The following EFNA5 variants were observed in gnomAD, a reference collection of about 807,000 sequenced individuals.
The protein encoded by EFNA5 is ephrin A5, also known as ephrin-A5.
Under a neutral mutation model 22.9 loss-of-function variants are expected in EFNA5, and 5 were observed. The observed-to-expected ratio is 0.22, with a 90% CI of 0.11 to 0.46. EFNA5 has a LOEUF of 0.46. EFNA5 is among the 20% of genes least tolerant of loss of function. The pLI, the probability that EFNA5 is intolerant of heterozygous loss-of-function variation, is 0.99. For synonymous variants in EFNA5, 113 were observed against 112.2 expected, an observed-to-expected ratio of 1.01 and a Z score of -0.04; for missense variants, 237 against 293.3, an observed-to-expected ratio of 0.81 and a Z score of 1.40.
chr5:107,536,075 T>C (rs905307786), intron 1 of EFNA5, among the ~76,000 whole-genome samples: 1 of 152,192 alleles, frequency 6.6e-6, no homozygotes, highest in Non-Finnish European at 1.5e-5. Flanking sequence ...TGCATACTTT[T>C]ATCACCACGT....
chr5:107,524,432 A>C (rs1355610680), intron 1 of EFNA5, among the ~76,000 whole-genome samples: 1 of 152,242 alleles, frequency 6.6e-6, no homozygotes, highest in African/African-American at 2.4e-5. Context: ...AAAATGTCTA[A>C]GCATGTTAAA....
rs753881471 is a variant in EFNA5, at chr5:107,427,442, A to G, written c.193T>C (p.Tyr65His). 2.5e-6 allele frequency: 4 copies of G among 1,614,072 alleles called. No homozygotes were observed. Among genetic ancestry groups the G allele is most frequent in the Non-Finnish European group, 8.5e-7 (1 of 1,179,984 alleles). Residue 65 changes from tyrosine to histidine, a missense_variant, in exon 2 of 5, where the codon TAT becomes CAT. Tyr to His is a moderately conservative substitution (Grantham distance 83). Transcript: ENST00000333274. The stretch of plus-strand genomic sequence containing the variant: ...TTATCTTCTGGGACGGAGTCCTCAT[A>G]GTGAGGGCAGAAAACATCCAGGTAG... ...NDYLDVFCPHYEDSVPEDKTE... is the reference protein window; with the variant it reads ...NDYLDVFCPHHEDSVPEDKTE...
rs1430699911 is a variant in EFNA5, at chr5:107,378,147, G to A, written c.*3108C>T. The A allele has an allele frequency of 2.0e-5, 3 of 148,010 alleles. No individual in the cohort carries two copies. The highest frequency in any genetic ancestry group is 7.5e-5 in the African/African-American group (3 of 40,014). The allele number at this position is 148,010 out of a possible 1,614,324, so 9.2% of individuals were successfully genotyped here. A position where few individuals can be genotyped will look rare whatever the true frequency, so the allele number is the denominator to read the frequency against. ...TTAATACTTTATTATCAAACACTAT[G>A]TACAACAGAGGTTGCTAATAATACA... On this transcript the variant is annotated 3_prime_UTR_variant, in exon 5 of 5. Transcript: ENST00000333274.
At chr5:107,556,700 C>T (rs532704371) in intron 1 of EFNA5, among the ~76,000 whole-genome samples, 2 of 151,284 alleles carry the variant, frequency 1.3e-5, no homozygotes, top group Admixed American at 6.6e-5. Flanking sequence ...GAGTCGAGAT[C>T]GCAGCATTGC....
At chr5:107,557,882 A>G (rs1748457417) in intron 1 of EFNA5, among the ~76,000 whole-genome samples, 1 of 152,220 alleles carries the variant, frequency 6.6e-6, no homozygotes, top group African/African-American at 2.4e-5. Context: ...TTCACAGCAT[A>G]CATTTACAAT....
intron 1 of EFNA5, among the ~76,000 whole-genome samples, chr5:107,504,442 G>A (rs1418818672): frequency 6.6e-6 from 1 of 152,112 alleles, no homozygotes; most frequent in African/African-American, 2.4e-5. Context: ...ACTAAAATAT[G>A]TGTCTTCTCT....
chr5:107,417,631 G>A (rs1315671396), intron 2 of EFNA5, among the ~76,000 whole-genome samples: 16 of 152,194 alleles, frequency 1.1e-4, no homozygotes, highest in Admixed American at 1.0e-3. Context: ...TCAGCTTTCT[G>A]GACCATAAAT....
intron 1 of EFNA5, among the ~76,000 whole-genome samples, chr5:107,440,017 G>C (rs1345155321): frequency 6.6e-6 from 1 of 152,124 alleles, no homozygotes; most frequent in African/African-American, 2.4e-5. Flanking sequence ...AGGTACTTCA[G>C]TTCATCACAT....
rs548632489 is a variant in EFNA5, at chr5:107,588,979, C to A, written c.125+81510G>T. ...TATAAAAGGTACCAAGGGTCCTCAA[C>A]TTGCTCTAAAAAAAGGTTTCCAACA... On this transcript the variant is annotated intron_variant, in intron 1 of 4. Transcript: ENST00000333274. 1.4e-4 allele frequency among the ~76,000 whole-genome samples: 22 copies of A among 152,302 alleles called. No homozygotes were observed. The South Asian group carries it at 3.1e-3, about 22-fold the overall frequency.
intron 4 of EFNA5, among the ~76,000 whole-genome samples, chr5:107,383,620 C>T (rs1258711359): frequency 1.3e-5 from 2 of 152,162 alleles, no homozygotes; most frequent in African/African-American, 2.4e-5. Context: ...TCCTCTCCAT[C>T]TTATTTTTAC....
chr5:107,508,239 C>T (rs1206066519), intron 1 of EFNA5, among the ~76,000 whole-genome samples: 1 of 152,162 alleles, frequency 6.6e-6, no homozygotes, highest in East Asian at 1.9e-4. Context: ...TGGATGGCTT[C>T]TTGGAACAGA....
At chr5:107,593,016 A>G (rs1749407289) in intron 1 of EFNA5, among the ~76,000 whole-genome samples, 1 of 152,196 alleles carries the variant, frequency 6.6e-6, no homozygotes, top group South Asian at 2.1e-4. Flanking sequence ...CAATATATTA[A>G]AAGAGATGTG....
chr5:107,448,229 T>C (rs1212278100), intron 1 of EFNA5, among the ~76,000 whole-genome samples: 1 of 152,234 alleles, frequency 6.6e-6, no homozygotes, highest in Non-Finnish European at 1.5e-5. Context: ...TTAAGGAGTC[T>C]ACTGCATTAG....
At chr5:107,434,637 T>C (rs1182081731) in intron 1 of EFNA5, among the ~76,000 whole-genome samples, 1 of 152,242 alleles carries the variant, frequency 6.6e-6, no homozygotes, top group Non-Finnish European at 1.5e-5. Flanking sequence ...TATGGAGGTA[T>C]TTTATCAAGA....
At chr5:107,564,747 T>C (rs1748627967) in intron 1 of EFNA5, among the ~76,000 whole-genome samples, 1 of 151,938 alleles carries the variant, frequency 6.6e-6, no homozygotes, top group South Asian at 2.1e-4. Flanking sequence ...GGGTCCTTTT[T>C]CAGATTTAAA....
At chr5:107,557,617 G>T (rs1748452695) in intron 1 of EFNA5, among the ~76,000 whole-genome samples, 2 of 152,210 alleles carry the variant, frequency 1.3e-5, no homozygotes, top group Admixed American at 6.5e-5. Context: ...CACGCTGCCG[G>T]CTCTTATCTG....
intron 1 of EFNA5, among the ~76,000 whole-genome samples, chr5:107,625,093 G>T (rs1050232534): frequency 6.6e-6 from 1 of 151,990 alleles, no homozygotes; most frequent in Admixed American, 6.5e-5. Context: ...TGAAAGTAGC[G>T]GAAACTCACC....
At chr5:107,453,821 G>T (rs981084867) in intron 1 of EFNA5, among the ~76,000 whole-genome samples, 1 of 152,084 alleles carries the variant, frequency 6.6e-6, no homozygotes, top group South Asian at 2.1e-4. Flanking sequence ...TGATGCTAAG[G>T]GCCACAAGCA....
chr5:107,412,838 C>T, intron 2 of EFNA5, among the ~76,000 whole-genome samples: 1 of 152,138 alleles, frequency 6.6e-6, no homozygotes, highest in East Asian at 1.9e-4. Flanking sequence ...ATATTTGATT[C>T]TGCAAAGATG....
Sources: allele counts gnomAD v4.1 joint callset (sites outside exome capture counted in the v4.1 genomes callset), GRCh38; gene constraint gnomAD v4.1.1; transcripts MANE v1.5; gene names NCBI Gene and HGNC (gene_info 2026-07-23, HGNC 2026-07-21).